MACROD2: variants seen among roughly 807,000 people sequenced by gnomAD.
MACROD2 encodes the protein ADP-ribose glycohydrolase MACROD2.
A neutral mutation model predicts 70.4 loss-of-function variants in MACROD2; 36 were observed. That is an observed-to-expected ratio of 0.51 (90% CI 0.39 to 0.68). MACROD2 has a LOEUF of 0.68. Among genes scored for constraint, MACROD2 ranks in the 30% least tolerant of loss-of-function variants. The pLI is 0.00. For synonymous variants in MACROD2, 172 were observed against 178.8 expected (o/e 0.96, Z 0.30); for missense variants, 496 against 538.4 (o/e 0.92, Z 0.78).
chr20:14,459,554 T>G (rs2084344225), intron 3 of MACROD2, among the ~76,000 whole-genome samples: 1 of 152,064 alleles, frequency 6.6e-6, no homozygotes, highest in African/African-American at 2.4e-5. Flanking sequence ...GGAATATACT[T>G]TTTCTTCAGA....
In MACROD2 at chr20:14,065,594, T is replaced by C. The variant is rs146849753; in HGVS notation, c.164-20027T>C. ...GTTGACGTTTATTGTGCTTTTACTA[T>C]GTCTAGGGCACTTTCTCACATGCTT... On this transcript the variant is annotated intron_variant, in intron 2 of 17. Coordinates refer to ENST00000684519, the MANE Select transcript of MACROD2 (RefSeq NM_001351661.2). Among the ~76,000 whole-genome samples, 580 of 152,360 alleles carry C rather than the reference T, an allele frequency of 3.8e-3. 1 individual carries two copies. The highest frequency in any genetic ancestry group is 8.5e-3 in the East Asian group (44 of 5,186).
rs2066488584 is a variant in MACROD2, at chr20:15,986,710, A to AT, written c.986-16dup. On this transcript the variant is annotated splice_polypyrimidine_tract_variant and intron_variant, in intron 13 of 17. Coordinates refer to ENST00000684519, the MANE Select transcript of MACROD2 (RefSeq NM_001351661.2). ...CATATCACATTTCTTTTATTTTTCA[A>AT]TCACTGTTTTGAACAGGACAAGAGA... The AT allele has an allele frequency of 6.3e-7, 1 of 1,596,006 alleles. No individual in the cohort carries two copies. Among genetic ancestry groups the AT allele is most frequent in the Non-Finnish European group, 8.6e-7 (1 of 1,166,016 alleles).
chr20:15,008,256 G>A (rs2075055181), intron 5 of MACROD2, among the ~76,000 whole-genome samples: 1 of 152,270 alleles, frequency 6.6e-6, no homozygotes, highest in South Asian at 2.1e-4. Context: ...CAAGGCAGGA[G>A]GATTGCTGGA....
At chr20:15,255,694 T>G (rs926666404) in intron 6 of MACROD2, among the ~76,000 whole-genome samples, 2 of 152,168 alleles carry the variant, frequency 1.3e-5, no homozygotes, top group Admixed American at 6.6e-5. Context: ...CACAGTTATA[T>G]TTTACAAGAG....
chr20:14,694,932 C>T (rs1231803539), intron 5 of MACROD2, among the ~76,000 whole-genome samples: 2 of 152,064 alleles, frequency 1.3e-5, no homozygotes, highest in Admixed American at 1.3e-4. Flanking sequence ...AGCTTAATTC[C>T]CCTCTACTTA....
intron 17 of MACROD2, among the ~76,000 whole-genome samples, chr20:16,048,272 C>T (rs879877110): frequency 5.9e-5 from 9 of 151,778 alleles, no homozygotes; most frequent in Non-Finnish European, 1.2e-4. Context: ...ACTATGAGAA[C>T]GTTAAGAGAG....
At chr20:15,785,986 T>A (rs2051918981) in intron 8 of MACROD2, among the ~76,000 whole-genome samples, 1 of 152,080 alleles carries the variant, frequency 6.6e-6, no homozygotes, top group Non-Finnish European at 1.5e-5. Context: ...AGAGTTCTGG[T>A]TAACATGTTT....
intron 3 of MACROD2, among the ~76,000 whole-genome samples, chr20:14,124,417 C>T (rs1048464715): frequency 1.3e-5 from 2 of 152,168 alleles, no homozygotes; most frequent in African/African-American, 4.8e-5. Flanking sequence ...CTAAATTTAG[C>T]ATTAGCTAAA....
intron 5 of MACROD2, among the ~76,000 whole-genome samples, chr20:15,146,827 G>C (rs1240866605): frequency 2.0e-5 from 3 of 152,096 alleles, no homozygotes; most frequent in African/African-American, 7.2e-5. Flanking sequence ...CCAATTTCAT[G>C]AATTTGTCTT....
intron 3 of MACROD2, among the ~76,000 whole-genome samples, chr20:14,270,811 CT>C (rs2082186779): frequency 6.6e-6 from 1 of 152,146 alleles, no homozygotes; most frequent in Non-Finnish European, 1.5e-5. Flanking sequence ...CTATCTGAGG[CT>C]TAAAAAATGG....
chr20:14,458,311 A>T (rs1453034248), intron 3 of MACROD2, among the ~76,000 whole-genome samples: 1 of 152,194 alleles, frequency 6.6e-6, no homozygotes, highest in African/African-American at 2.4e-5. Context: ...ACAAGATGAT[A>T]TAATGTTAAT....
intron 2 of MACROD2, among the ~76,000 whole-genome samples, chr20:14,055,344 C>A (rs2053619818): frequency 6.6e-6 from 1 of 151,690 alleles, no homozygotes; most frequent in African/African-American, 2.4e-5. Context: ...TGATCGATTT[C>A]CAAAAATGCA....
At chr20:15,128,193 A>C (rs2076080119) in intron 5 of MACROD2, among the ~76,000 whole-genome samples, 1 of 152,148 alleles carries the variant, frequency 6.6e-6, no homozygotes, top group African/African-American at 2.4e-5. Flanking sequence ...GTATGTTTTT[A>C]GAACAGAGAA....
intron 8 of MACROD2, among the ~76,000 whole-genome samples, chr20:15,843,028 C>T (rs1262696227): frequency 1.3e-5 from 2 of 152,126 alleles, no homozygotes; most frequent in Admixed American, 6.5e-5. Context: ...ATTTCAGTCA[C>T]GACCCTTTTC....
intron 4 of MACROD2, among the ~76,000 whole-genome samples, chr20:14,633,488 C>G (rs1345364147): frequency 1.3e-5 from 2 of 152,190 alleles, no homozygotes; most frequent in South Asian, 2.1e-4. Context: ...CCCTATTTCT[C>G]CAACTGGTGT....
intron 5 of MACROD2, among the ~76,000 whole-genome samples, chr20:14,903,511 C>G (rs979709159): frequency 3.3e-5 from 5 of 152,020 alleles, no homozygotes; most frequent in Non-Finnish European, 7.4e-5. Context: ...AATTTGAATA[C>G]ATAATTTAAT....
intron 5 of MACROD2, among the ~76,000 whole-genome samples, chr20:15,134,153 G>A (rs1159744986): frequency 0.014 from 2 of 140 alleles, no homozygotes; most frequent in South Asian, 0.17. Flanking sequence ...TGATCCTCCC[G>A]CCTCGCCTCC....
chr20:14,473,993 G>T (rs772215427), intron 3 of MACROD2, among the ~76,000 whole-genome samples: 3 of 151,892 alleles, frequency 2.0e-5, no homozygotes, highest in Non-Finnish European at 4.4e-5. Flanking sequence ...TTTATAGTTG[G>T]ATTATTTTAT....
chr20:15,499,359 A>G, intron 7 of MACROD2, among the ~76,000 whole-genome samples: 1 of 152,140 alleles, frequency 6.6e-6, no homozygotes, highest in East Asian at 1.9e-4. Context: ...GACTGGCAGA[A>G]CTGACCCTGG....
Sources: gnomAD v4.1 joint callset for allele counts (sites outside exome capture counted in the v4.1 genomes callset) on GRCh38, gnomAD v4.1.1 for gene constraint, MANE v1.5 for transcripts, NCBI Gene and HGNC (gene_info 2026-07-23, HGNC 2026-07-21) for gene names.